MAST2: variants seen among roughly 807,000 people sequenced by gnomAD.
MAST2 encodes the protein microtubule associated serine/threonine kinase 2, also known as microtubule-associated serine/threonine-protein kinase 2.
MAST2 carries 70 observed loss-of-function variants against 147.4 expected under a neutral mutation model. That is an observed-to-expected ratio of 0.47 (90% CI 0.39 to 0.58). The LOEUF is 0.58. Among genes scored for constraint, MAST2 ranks in the 20% least tolerant of loss-of-function variants. The pLI is 0.00. For missense variants in MAST2, 2,080 were observed against 2,302.3 expected (o/e 0.90, Z 1.98); for synonymous variants, 869 against 896.8 (o/e 0.97, Z 0.55).
intron 1 of MAST2, among the ~76,000 whole-genome samples, chr1:45,820,188 C>T (rs1341838774): frequency 6.6e-6 from 1 of 152,110 alleles, no homozygotes; most frequent in Non-Finnish European, 1.5e-5. Flanking sequence ...TATCTCTTCC[C>T]ATATACAAAA....
chr1:45,945,916 A>G (rs1657960628), intron 4 of MAST2, among the ~76,000 whole-genome samples: 1 of 152,224 alleles, frequency 6.6e-6, no homozygotes, highest in African/African-American at 2.4e-5. Context: ...TCCAAGGCCC[A>G]TGTTTGTGGA....
intron 3 of MAST2, among the ~76,000 whole-genome samples, chr1:45,870,272 ATT>A (rs915302113): frequency 2.6e-5 from 4 of 152,014 alleles, no homozygotes; most frequent in African/African-American, 9.7e-5. Flanking sequence ...ATCATCTGAT[ATT>A]GTTTTATTTT....
intron 15 of MAST2, chr1:46,024,440 A>C (rs979986111): frequency 1.5e-5 from 3 of 200,724 alleles, no homozygotes; most frequent in Non-Finnish European, 2.1e-5. Context: ...AACATGGGGC[A>C]TAGTTCTGGA....
intron 4 of MAST2, among the ~76,000 whole-genome samples, chr1:45,925,100 T>C (rs1654155074): frequency 6.6e-6 from 1 of 152,190 alleles, no homozygotes; most frequent in Admixed American, 6.5e-5. Flanking sequence ...CCTTGCATCA[T>C]AGTGTAGTGA....
chr1:45,810,130 TTGAA>T (rs1464119602), intron 1 of MAST2, among the ~76,000 whole-genome samples: 2 of 152,238 alleles, frequency 1.3e-5, no homozygotes, highest in African/African-American at 2.4e-5. Flanking sequence ...TCATTATTTA[TTGAA>T]TGAATGAATG....
At chr1:45,933,442 T>C (rs1655675840) in intron 4 of MAST2, among the ~76,000 whole-genome samples, 1 of 152,106 alleles carries the variant, frequency 6.6e-6, no homozygotes, top group Non-Finnish European at 1.5e-5. Flanking sequence ...CTTCCTTCTT[T>C]GAAAGTGAGA....
intron 5 of MAST2, among the ~76,000 whole-genome samples, chr1:45,978,896 A>G (rs1644283705): frequency 1.3e-5 from 2 of 152,218 alleles, no homozygotes; most frequent in African/African-American, 4.8e-5. Context: ...TAACAGGTAT[A>G]GATTCATTTT....
chr1:45,811,273 TCTC>T (rs1293388561), intron 1 of MAST2, among the ~76,000 whole-genome samples: 5 of 151,246 alleles, frequency 3.3e-5, no homozygotes, highest in African/African-American at 4.9e-5. Context: ...TTCAAGCAAT[TCTC>T]CTGCCTCAGC....
Position 46,031,757 on chromosome 1 carries a change from G to T in MAST2, c.3187+172G>T, listed in dbSNP as rs1332712033. On this transcript the variant is annotated intron_variant, in intron 24 of 28. Transcript: ENST00000361297. The surrounding 1 kb of genome is among the most constrained non-coding windows in gnomAD (Gnocchi z 4.1). The stretch of plus-strand genomic sequence containing the variant: ...GGGTTGTGTATACATGTGCCAGAAA[G>T]CAGGACAGCACCATGTCACAAGTGC... Among the ~76,000 whole-genome samples the T allele has an allele frequency of 6.6e-6, 1 of 152,200 alleles. No individual in the cohort carries two copies. Among genetic ancestry groups the T allele is most frequent in the African/African-American group, 2.4e-5 (1 of 41,450 alleles).
chr1:45,871,206 T>C (rs1646378099), intron 3 of MAST2, among the ~76,000 whole-genome samples: 1 of 148,030 alleles, frequency 6.8e-6, no homozygotes, highest in African/African-American at 2.5e-5. Flanking sequence ...TACATCTCTA[T>C]GCCTTACTGT....
At position 46,032,175 on chromosome 1, in the gene MAST2, C is replaced by T; in HGVS notation, c.3188-3C>T. On this transcript the variant is annotated splice_region_variant and splice_polypyrimidine_tract_variant and intron_variant, in intron 24 of 28. Transcript: ENST00000361297. ...CACTAAGTCCTGGCTTCTCCTTCTCCAGAACACCACACCTGCTCCCCGTTG... is the reference window on the plus strand; with the variant it reads ...CACTAAGTCCTGGCTTCTCCTTCTCTAGAACACCACACCTGCTCCCCGTTG... The T allele has an allele frequency of 6.2e-7, 1 of 1,613,632 alleles. No individual in the cohort carries two copies. Among genetic ancestry groups the T allele is most frequent in the Non-Finnish European group, 8.5e-7 (1 of 1,179,554 alleles).
At chr1:45,851,011 G>T (rs1358653281) in intron 3 of MAST2, among the ~76,000 whole-genome samples, 1 of 151,960 alleles carries the variant, frequency 6.6e-6, no homozygotes, top group Non-Finnish European at 1.5e-5. Flanking sequence ...AAATGACATT[G>T]GTAGTTTGAT....
At chr1:45,937,422 T>C (rs1656398655) in intron 4 of MAST2, among the ~76,000 whole-genome samples, 1 of 152,020 alleles carries the variant, frequency 6.6e-6, no homozygotes, top group Non-Finnish European at 1.5e-5. Flanking sequence ...TGTGCCACCA[T>C]GCCTGGCTGA....
At chr1:46,015,751 G>A (rs1201171395) in intron 10 of MAST2, among the ~76,000 whole-genome samples, 1 of 152,194 alleles carries the variant, frequency 6.6e-6, no homozygotes, top group Non-Finnish European at 1.5e-5. Flanking sequence ...GAGGTACAAG[G>A]AGGAATTGGT....
At chr1:46,002,319 C>T (rs1645307073) in intron 6 of MAST2, among the ~76,000 whole-genome samples, 1 of 152,186 alleles carries the variant, frequency 6.6e-6, no homozygotes, top group Admixed American at 6.5e-5. Context: ...ATAACTGTTT[C>T]CCATTGATTA....
chr1:45,838,238 G>C, intron 3 of MAST2, among the ~76,000 whole-genome samples: 1 of 64,366 alleles, frequency 1.6e-5, no homozygotes, highest in South Asian at 4.9e-4. Flanking sequence ...TTTTTTTTTT[G>C]AGATGGAGTC....
chr1:45,969,914 T>A (rs1643847732), intron 5 of MAST2, among the ~76,000 whole-genome samples: 1 of 152,168 alleles, frequency 6.6e-6, no homozygotes, highest in Admixed American at 6.5e-5. Flanking sequence ...GGTCTCAGTC[T>A]TTTGATGAGC....
chr1:45,887,655 G>C (rs1041712431), intron 4 of MAST2, among the ~76,000 whole-genome samples: 2 of 152,138 alleles, frequency 1.3e-5, no homozygotes, highest in African/African-American at 4.8e-5. Flanking sequence ...TTGATGCCTG[G>C]ATCAATGCTT....
chr1:45,824,259 C>G (rs187696355), intron 1 of MAST2, among the ~76,000 whole-genome samples, 174 bp from the exon 2 acceptor site: 1 of 152,118 alleles, frequency 6.6e-6, no homozygotes, highest in Non-Finnish European at 1.5e-5. Context: ...GTGTCCTTTA[C>G]AGCATACCTA....
Sources: gnomAD v4.1 joint callset for allele counts (sites outside exome capture counted in the v4.1 genomes callset) on GRCh38, gnomAD v4.1.1 for gene constraint, Gnocchi (gnomAD v3.1) non-coding constraint, MANE v1.5 for transcripts, NCBI Gene and HGNC (gene_info 2026-07-23, HGNC 2026-07-21) for gene names.